The following MUC22 variants were observed in gnomAD, a reference collection of about 807,000 sequenced individuals.
MUC22 encodes mucin-22.
MUC22 carries 24 observed loss-of-function variants against 40.3 expected under a neutral mutation model. That is an observed-to-expected ratio of 0.60 (90% CI 0.43 to 0.84). The LOEUF (loss-of-function observed/expected upper bound fraction) is 0.84. MUC22 is among the 40% of genes least tolerant of loss of function. The pLI is 0.00. For missense variants in MUC22, 1,926 were observed against 2,130.7 expected (o/e 0.90, Z 1.89); for synonymous variants, 765 against 844.5 (o/e 0.91, Z 1.63).
In MUC22 at chr6:31,010,713, A is replaced by G. The variant is rs750309159; in HGVS notation, c.7A>G (p.Arg3Gly). Residue 3 changes from arginine (R) to glycine (G), a missense_variant, in exon 1 of 4, where the codon AGA (arginine) becomes GGA (glycine). Coordinates refer to ENST00000561890, the Ensembl canonical transcript of MUC22. Reference sequence around the variant, plus strand: ...CTATGTGCATCATTTAGAGATGAGAAGAGGAAATATCTCTCCTGCTTTCTG... The same window carrying G: ...CTATGTGCATCATTTAGAGATGAGAGGAGGAAATATCTCTCCTGCTTTCTG... The G allele has an allele frequency of 4.3e-6, 3 of 702,582 alleles. No homozygotes were observed. The South Asian group carries it at 4.4e-5, about 10-fold the overall frequency. 43.5% of individuals were successfully genotyped at this position (702,582 alleles called of 1,614,324 possible).
chr6:31,008,701 A>C (rs1353559152), upstream of MUC22, among the ~76,000 whole-genome samples: 1 of 151,866 alleles, frequency 6.6e-6, no homozygotes, highest in Non-Finnish European at 1.5e-5. Context: ...GGCACCCGCC[A>C]CTACGCCCAG....
intron 1 of MUC22, among the ~76,000 whole-genome samples, chr6:31,017,940 G>A (rs1034714623): frequency 1.4e-4 from 22 of 152,224 alleles, no homozygotes; most frequent in African/African-American, 5.1e-4. Flanking sequence ...GCGTTTATGA[G>A]TTGTAACACT....
intron 1 of MUC22, among the ~76,000 whole-genome samples, chr6:31,019,056 C>CT (rs1283559284): frequency 2.0e-5 from 3 of 152,230 alleles, no homozygotes; most frequent in African/African-American, 7.2e-5. Flanking sequence ...GATTTCTCCT[C>CT]TAAGAACTAA....
At chr6:31,021,899 G>A (rs1764789907) in intron 1 of MUC22, among the ~76,000 whole-genome samples, 1 of 151,172 alleles carries the variant, frequency 6.6e-6, no homozygotes, top group South Asian at 2.1e-4. Flanking sequence ...AATAGATTTT[G>A]CTACTGCTCA....
upstream of MUC22, chr6:31,010,418 G>T: frequency 2.6e-6 from 1 of 383,220 alleles, no homozygotes; most frequent in Non-Finnish European, 4.7e-6. Context: ...AGGACCCAAA[G>T]TTCTGGCCTC....
At chr6:31,035,129 A>T in exon 4 of MUC22, 1 of 639,064 alleles carries the variant, frequency 1.6e-6, no homozygotes, top group East Asian at 2.8e-5. Context: ...ATGGAGATGG[A>T]CATGGACTAG....
At chr6:31,020,617 G>A (rs1764613515) in intron 1 of MUC22, among the ~76,000 whole-genome samples, 2 of 152,044 alleles carry the variant, frequency 1.3e-5, no homozygotes, top group African/African-American at 4.8e-5. Flanking sequence ...CTCCCACTTT[G>A]GCGGCACTTG....
At chr6:31,027,641 C>G (rs1462753685) in exon 2 of MUC22, 3 of 1,529,810 alleles carry the variant, frequency 2.0e-6, no homozygotes, top group Non-Finnish European at 2.6e-6. Flanking sequence ...GAGACCACCA[C>G]AGCCTCTAAT....
At chr6:31,014,343 C>T (rs994817067) in intron 1 of MUC22, among the ~76,000 whole-genome samples, 6 of 148,272 alleles carry the variant, frequency 4.0e-5, no homozygotes, top group Non-Finnish European at 9.0e-5. Flanking sequence ...TCACTTTTTT[C>T]CCTTGAGCAA....
chr6:31,031,032 T>C (rs2076766505), intron 2 of MUC22, among the ~76,000 whole-genome samples: 3 of 152,228 alleles, frequency 2.0e-5, no homozygotes, highest in African/African-American at 4.8e-5. Context: ...ACCAAACAAT[T>C]TTGTTCATTC....
exon 2 of MUC22, chr6:31,029,584 A>T (rs1562618183): frequency 6.5e-7 from 1 of 1,534,264 alleles, no homozygotes. Context: ...TAGCTCTGAG[A>T]CCACCACAGC....
At chr6:31,014,431 G>A (rs1042988887) in intron 1 of MUC22, among the ~76,000 whole-genome samples, 2 of 152,044 alleles carry the variant, frequency 1.3e-5, no homozygotes, top group Non-Finnish European at 2.9e-5. Context: ...TTGCTTGCTA[G>A]ATCTCTTGTC....
At chr6:31,009,190 C>A (rs1208444291), upstream of MUC22, among the ~76,000 whole-genome samples, 3 of 152,192 alleles carry the variant, frequency 2.0e-5, no homozygotes, top group Non-Finnish European at 4.4e-5. Context: ...AGAGTGGACA[C>A]ATAAGTGCTC....
At chr6:31,007,420 ATCT>A (rs749768636), upstream of MUC22, among the ~76,000 whole-genome samples, 3 of 152,210 alleles carry the variant, frequency 2.0e-5, no homozygotes, top group Non-Finnish European at 2.9e-5. The surrounding 1 kb of genome is among the most constrained non-coding windows in gnomAD (Gnocchi z 4.0). Context: ...TTCACAGAAA[ATCT>A]TCTTCTTTTT....
chr6:31,008,398 A>G (rs541101781), upstream of MUC22, among the ~76,000 whole-genome samples: 49 of 152,310 alleles, frequency 3.2e-4, no homozygotes, highest in South Asian at 8.5e-3. Context: ...CATTGCCAGT[A>G]GGAGGCATAA....
At chr6:31,024,867 T>G (rs7767796) in intron 1 of MUC22, among the ~76,000 whole-genome samples, 3,328 of 134,038 alleles carry the variant, frequency 0.025, 127 homozygotes, top group African/African-American at 0.086. Context: ...AATTGCTGCC[T>G]TCTTTTTTTT....
chr6:31,028,292 C>T, exon 2 of MUC22: 2 of 1,534,702 alleles, frequency 1.3e-6, no homozygotes, highest in African/African-American at 1.4e-5. Flanking sequence ...GGCTCTGAGA[C>T]CACTAAAGTT....
At position 31,011,079 on chromosome 6, in the gene MUC22, T is replaced by C. The variant is rs971926486; in HGVS notation, c.70+303T>C. 1.4e-5 allele frequency among the ~76,000 whole-genome samples: 2 copies of C among 144,358 alleles called. No individual in the cohort carries two copies. The highest frequency in any genetic ancestry group is 3.0e-5 in the Non-Finnish European group (2 of 66,782). The allele number at this position is 144,358 out of a possible 152,430, so 94.7% of individuals were successfully genotyped here. A position where few individuals can be genotyped will look rare whatever the true frequency, so the allele number is the denominator to read the frequency against. On this transcript the variant is annotated intron_variant, in intron 1 of 3. Coordinates refer to ENST00000561890, the Ensembl canonical transcript of MUC22. This position sits in a 1 kb window ranked among gnomAD's most constrained non-coding sequence, Gnocchi z 4.5. ...GAGGGGGGTGAGATTTTACTTTCCT[T>C]TGTATCTTGGATAAAAGTTTTTTTT...
exon 2 of MUC22, chr6:31,027,570 T>C (rs1268069049): frequency 6.5e-7 from 1 of 1,527,672 alleles, no homozygotes; most frequent in African/African-American, 1.4e-5. Flanking sequence ...CTGAAGGTTC[T>C]GAGACCACTA....
Sources: allele counts gnomAD v4.1 joint callset (sites outside exome capture counted in the v4.1 genomes callset), GRCh38; gene constraint gnomAD v4.1.1; non-coding constraint Gnocchi (gnomAD v3.1); transcripts MANE v1.5; gene names NCBI Gene and HGNC (gene_info 2026-07-23, HGNC 2026-07-21).